The following ELFN1 variants were observed in gnomAD, a reference collection of about 807,000 sequenced individuals.
ELFN1 encodes the protein protein ELFN1.
Under a neutral mutation model 7.6 loss-of-function variants are expected in ELFN1, and 6 were observed. The observed-to-expected ratio is 0.79, with a 90% confidence interval of 0.43 to 1.56. The LOEUF is 1.56. Ranked by LOEUF, ELFN1 falls within the 40% of genes most tolerant of loss-of-function variation. The pLI, the probability that ELFN1 is intolerant of heterozygous loss-of-function variation, is 0.01. For synonymous variants in ELFN1, 657 were observed against 588.1 expected (o/e 1.12, Z -1.70); for missense variants, 1,169 against 1,232.2 (o/e 0.95, Z 0.77).
At chr7:1,713,167 ATC>A (rs1272341826) in intron 3 of ELFN1, among the ~76,000 whole-genome samples, 1 of 152,102 alleles carries the variant, frequency 6.6e-6, no homozygotes, top group Non-Finnish European at 1.5e-5. Context: ...CAGGCATGAA[ATC>A]TCTGTCTTCT....
chr7:1,747,546 CG>C lies in ELFN1; in HGVS notation c.*467del, dbSNP rs973078967. 6.0e-6 allele frequency: 1 copy of C among 165,822 alleles called. No homozygotes were observed. 10.3% of individuals were successfully genotyped at this position (165,822 alleles called of 1,614,324 possible). The stretch of plus-strand genomic sequence containing the variant: ...GGGGGTGTGGCCGGCGTGGCCACCT[CG>C]GGGCCCCTCACGTGATCTCCTCGGT... On this transcript the variant is annotated 3_prime_UTR_variant, in exon 4 of 4. Transcript: ENST00000424383.
chr7:1,706,370 C>T (rs1289586480), intron 2 of ELFN1, among the ~76,000 whole-genome samples: 2 of 152,048 alleles, frequency 1.3e-5, no homozygotes, highest in African/African-American at 4.8e-5. Context: ...TGCAGTGAGC[C>T]GAGATGGTAC....
chr7:1,730,850 C>T (rs1038396104), intron 3 of ELFN1, among the ~76,000 whole-genome samples: 10 of 152,030 alleles, frequency 6.6e-5, no homozygotes, highest in African/African-American at 2.4e-4. Flanking sequence ...GGGATGTCTA[C>T]AGGGAAGAAT....
chr7:1,700,794 C>T (rs1054392857), intron 2 of ELFN1, among the ~76,000 whole-genome samples: 4 of 152,244 alleles, frequency 2.6e-5, no homozygotes, highest in African/African-American at 9.6e-5. Flanking sequence ...CTTGAAGCCT[C>T]GCCGGTCTGG....
At chr7:1,741,199 C>CA (rs1426257969) in intron 3 of ELFN1, among the ~76,000 whole-genome samples, 3 of 151,416 alleles carry the variant, frequency 2.0e-5, no homozygotes, top group Non-Finnish European at 4.4e-5. Flanking sequence ...ATAGAGGGGG[C>CA]AAAATCTGTG....
chr7:1,705,193 G>C lies in ELFN1; in HGVS notation c.-455-3898G>C, dbSNP rs1779506252. ...GGGGTGGGCAGCATGGAGGTGCAGG[G>C]TGGCAGGGACCCTGGGCGGGGCGGC... On this transcript the variant is annotated intron_variant, in intron 2 of 3. Coordinates refer to ENST00000424383, the MANE Select transcript of ELFN1 (RefSeq NM_001128636.4). This position sits in a 1 kb window ranked among gnomAD's most constrained non-coding sequence, Gnocchi z 4.3. 6.6e-6 allele frequency among the ~76,000 whole-genome samples: 1 copy of C among 152,172 alleles called. No homozygotes were observed. The highest frequency in any genetic ancestry group is 2.1e-4 in the South Asian group (1 of 4,834).
chr7:1,746,386 C>A lies in ELFN1; in HGVS notation c.1790C>A (p.Pro597Gln), dbSNP rs779164550. The A allele has an allele frequency of 2.6e-6, 4 of 1,536,168 alleles. No homozygotes were observed. The South Asian group carries it at 3.6e-5, about 14-fold the overall frequency. The change falls in exon 4 of 4, where the codon CCG becomes CAG. Residue 597 changes from proline (P) to glutamine (Q), a missense_variant. Transcript: ENST00000424383. Reference protein sequence around the residue: ...KSGPVSVAEPPLVLLSEPLAA... With the variant: ...KSGPVSVAEPQLVLLSEPLAA... ...GGGCCCGTGTCCGTCGCGGAGCCGC[C>A]GCTGGTGCTGCTGTCCGAGCCGCTG...
At chr7:1,719,602 G>A (rs1779955789) in intron 3 of ELFN1, among the ~76,000 whole-genome samples, 1 of 152,314 alleles carries the variant, frequency 6.6e-6, no homozygotes, top group South Asian at 2.1e-4. Context: ...GCCGAGTTTG[G>A]ATGGGGCCAC....
intron 1 of ELFN1, among the ~76,000 whole-genome samples, chr7:1,685,720 C>T (rs1000982745): frequency 3.3e-5 from 5 of 150,744 alleles, no homozygotes; most frequent in Non-Finnish European, 7.4e-5. Flanking sequence ...CAATTCTTTA[C>T]ACATAGTTGT....
chr7:1,677,988 T>C (rs921848201), intron 1 of ELFN1, among the ~76,000 whole-genome samples: 12 of 152,016 alleles, frequency 7.9e-5, no homozygotes, highest in African/African-American at 2.9e-4. Flanking sequence ...CATTACATTG[T>C]CCCCACAGAG....
chr7:1,681,286 A>G (rs534684108), intron 1 of ELFN1, among the ~76,000 whole-genome samples: 1 of 152,360 alleles, frequency 6.6e-6, no homozygotes, highest in South Asian at 2.1e-4. Flanking sequence ...GCCATTATGA[A>G]TCATGCCGCT....
intron 3 of ELFN1, among the ~76,000 whole-genome samples, chr7:1,715,412 G>C (rs942747482): frequency 1.3e-5 from 2 of 152,138 alleles, no homozygotes; most frequent in African/African-American, 4.8e-5. Flanking sequence ...GGCACCCCCT[G>C]CCTCCATCCT....
chr7:1,681,034 G>A (rs187869094), intron 1 of ELFN1, among the ~76,000 whole-genome samples: 7 of 152,244 alleles, frequency 4.6e-5, no homozygotes, highest in Admixed American at 2.0e-4. Context: ...GAGCCACTGC[G>A]CCCAGCCTGT....
At position 1,746,628 on chromosome 7, in the gene ELFN1, G is replaced by A. The variant is rs1186436633; in HGVS notation, c.2032G>A (p.Asp678Asn). The A allele has an allele frequency of 1.3e-5, 18 of 1,350,390 alleles. No homozygotes were observed. The highest frequency in any genetic ancestry group is 1.5e-5 in the Non-Finnish European group (16 of 1,056,064). The allele number at this position is 1,350,390 out of a possible 1,614,324, so 83.7% of individuals were successfully genotyped here. A position where few individuals can be genotyped will look rare whatever the true frequency, so the allele number is the denominator to read the frequency against. Residue 678 changes from aspartate (D) to asparagine (N), a missense_variant, in exon 4 of 4, where the codon GAC (aspartate) becomes AAC (asparagine). Asp to Asn is a conservative substitution (Grantham distance 23, BLOSUM62 1). Around this residue, in one of 2 missense-constraint regions of ELFN1, gnomAD observed 914 missense variants for 872.6 expected, o/e 1.05. Coordinates refer to ENST00000424383, the MANE Select transcript of ELFN1 (RefSeq NM_001128636.4). ...KYIEKGSPAA[D>N]AILTVTPAAA... ...CATCGAGAAGGGCTCCCCCGCGGCC[G>A]ACGCCATCCTCACTGTGACACCCGC...
chr7:1,666,782 G>C (rs1237100207), upstream of ELFN1, among the ~76,000 whole-genome samples: 3 of 151,668 alleles, frequency 2.0e-5, no homozygotes, highest in Non-Finnish European at 4.4e-5. The surrounding 1 kb of genome is among the most constrained non-coding windows in gnomAD (Gnocchi z 7.9). Flanking sequence ...CCTCGACTTC[G>C]CAAAGCCGGC....
intron 3 of ELFN1, among the ~76,000 whole-genome samples, chr7:1,716,227 A>G (rs1051487666): frequency 6.6e-6 from 1 of 152,166 alleles, no homozygotes; most frequent in African/African-American, 2.4e-5. Context: ...CTACCCTGCA[A>G]TCCAGCCTTG....
In ELFN1 at chr7:1,675,272, G is replaced by A. The variant is rs115921231; in HGVS notation, c.-549+4918G>A. Among the ~76,000 whole-genome samples the A allele has an allele frequency of 5.3e-3, 804 of 152,312 alleles. 9 individuals are homozygous for A. Among genetic ancestry groups the A allele is most frequent in the African/African-American group, 0.018 (756 of 41,570 alleles). On this transcript the variant is annotated intron_variant, in intron 1 of 3. Coordinates refer to ENST00000424383, the MANE Select transcript of ELFN1 (RefSeq NM_001128636.4). ...GAGGGCTTGTCACAGAGTGCTGACC[G>A]CGCTGAGAGCTTCTCACCAGCGCTG...
At chr7:1,708,055 A>AC (rs146233393) in intron 2 of ELFN1, among the ~76,000 whole-genome samples, 4,087 of 151,064 alleles carry the variant, frequency 0.027, 176 homozygotes, top group African/African-American at 0.093. Context: ...TGCACCTAGA[A>AC]CCCCCCTTTG....
rs777088373 is a variant in ELFN1, at chr7:1,705,627, C to T, written c.-455-3464C>T. 1.3e-5 allele frequency among the ~76,000 whole-genome samples: 2 copies of T among 152,256 alleles called. No individual in the cohort carries two copies. Among genetic ancestry groups the T allele is most frequent in the Non-Finnish European group, 2.9e-5 (2 of 68,054 alleles). On this transcript the variant is annotated intron_variant, in intron 2 of 3. Transcript: ENST00000424383. The surrounding 1 kb of genome is among the most constrained non-coding windows in gnomAD (Gnocchi z 4.3). ...GCCACTCGGAGCCTCAATTTACCCT[C>T]GCCTCTGGGGGCTGCTGTCCCTCTG...
Sources: gnomAD v4.1 joint callset for allele counts (sites outside exome capture counted in the v4.1 genomes callset) on GRCh38, gnomAD v4.1.1 for gene constraint, gnomAD v4.1.1 regional missense constraint, Gnocchi (gnomAD v3.1) non-coding constraint, MANE v1.5 for transcripts, NCBI Gene and HGNC (gene_info 2026-07-23, HGNC 2026-07-21) for gene names.